The following LUZP1 variants were observed in gnomAD, a reference collection of about 807,000 sequenced individuals.
The protein encoded by LUZP1 is leucine zipper protein 1, also known as filamin mechanobinding actin cross-linking protein.
Under a neutral mutation model 71.3 loss-of-function variants are expected in LUZP1, and 25 were observed. The ratio of observed to expected loss-of-function variants is 0.35; its 90% CI spans 0.26 to 0.49. LUZP1 has a LOEUF of 0.49. LUZP1 is among the 20% of genes least tolerant of loss of function. The pLI is 0.99. For missense variants in LUZP1, 1,142 were observed against 1,300.8 expected (o/e 0.88, Z 1.88); for synonymous variants, 481 against 506.4 (o/e 0.95, Z 0.67).
intron 2 of LUZP1, among the ~76,000 whole-genome samples, chr1:23,149,429 A>C (rs1251097111): frequency 1.3e-5 from 2 of 152,196 alleles, no homozygotes; most frequent in African/African-American, 2.4e-5. Flanking sequence ...TGGCCTTATC[A>C]GGCTAGATGG....
intron 3 of LUZP1, among the ~76,000 whole-genome samples, chr1:23,100,079 A>G (rs753104033): frequency 2.6e-5 from 4 of 152,198 alleles, no homozygotes; most frequent in Non-Finnish European, 4.4e-5. Context: ...AGTCTGCTAC[A>G]TATTTCCCAT....
intron 2 of LUZP1, among the ~76,000 whole-genome samples, chr1:23,147,212 G>A (rs954305712): frequency 1.3e-5 from 2 of 151,370 alleles, no homozygotes; most frequent in Non-Finnish European, 2.9e-5. Context: ...AGGCCGAGAC[G>A]GGTGGATCAC....
chr1:23,092,933 A>G, exon 4 of LUZP1: 1 of 1,613,826 alleles, frequency 6.2e-7, no homozygotes, highest in Non-Finnish European at 8.5e-7. Context: ...CCTGAGTCCC[A>G]CTGTCTGTAC....
chr1:23,172,837 A>AT (rs201521811), intron 1 of LUZP1, among the ~76,000 whole-genome samples: 43 of 149,150 alleles, frequency 2.9e-4, no homozygotes, highest in Non-Finnish European at 4.2e-4. Context: ...ATTTATTTTT[A>AT]TTTTTATTTT....
At chr1:23,171,101 T>A (rs866824818) in intron 1 of LUZP1, among the ~76,000 whole-genome samples, 1,756 of 141,234 alleles carry the variant, frequency 0.012, 13 homozygotes, top group South Asian at 0.024. Context: ...AAAAAAAAAA[T>A]ATATATATAT....
At chr1:23,103,673 C>T (rs1269328283) in intron 3 of LUZP1, among the ~76,000 whole-genome samples, 1 of 151,642 alleles carries the variant, frequency 6.6e-6, no homozygotes, top group African/African-American at 2.4e-5. Context: ...AATTTATTTA[C>T]ATTGATTCTT....
chr1:23,107,126 C>G (rs899015665), intron 3 of LUZP1, among the ~76,000 whole-genome samples: 2 of 152,186 alleles, frequency 1.3e-5, no homozygotes, highest in Non-Finnish European at 2.9e-5. Context: ...GCTTTTCCCC[C>G]AGATATCTCC....
At chr1:23,105,652 T>C (rs915294502) in intron 3 of LUZP1, among the ~76,000 whole-genome samples, 3 of 152,234 alleles carry the variant, frequency 2.0e-5, no homozygotes, top group African/African-American at 7.2e-5. Context: ...CTTCTTAGTT[T>C]CAATCCCTTG....
chr1:23,171,254 A>C (rs1022004338), intron 1 of LUZP1, among the ~76,000 whole-genome samples: 1 of 152,156 alleles, frequency 6.6e-6, no homozygotes, highest in Non-Finnish European at 1.5e-5. Flanking sequence ...GTCTTGAGAA[A>C]GGAAGAGGCT....
intron 2 of LUZP1, among the ~76,000 whole-genome samples, chr1:23,128,048 T>C (rs1460880928): frequency 6.6e-6 from 1 of 151,934 alleles, no homozygotes; most frequent in African/African-American, 2.4e-5. Context: ...GGAGAATCGC[T>C]TGAACCTGGG....
At position 23,147,099 on chromosome 1, in the gene LUZP1, A is replaced by AAATAATAATAATAATAAT. The variant is rs371398665; in HGVS notation, c.-226+21649_-226+21666dup. On this transcript the variant is annotated intron_variant, in intron 2 of 4. Transcript: ENST00000302291. ...GTGACAGAGTGAGACTCCGTCTCAAAAATAATAATAATAATAATAATAATA... is the reference window on the plus strand; with the variant it reads ...GTGACAGAGTGAGACTCCGTCTCAAAAATAATAATAATAATAATAATAATAATAATAATAATAATAATA... 2.3e-3 allele frequency among the ~76,000 whole-genome samples: 327 copies of AAATAATAATAATAATAAT among 144,526 alleles called. 3 individuals are homozygous for AAATAATAATAATAATAAT. Among genetic ancestry groups the AAATAATAATAATAATAAT allele is most frequent in the African/African-American group, 8.1e-3 (315 of 38,978 alleles). 94.8% of individuals were successfully genotyped at this position (144,526 alleles called of 152,430 possible).
rs536340539 is a variant in LUZP1 at position 23,156,693 on chromosome 1, T to C, written c.-226+12073A>G. 2.0e-5 allele frequency among the ~76,000 whole-genome samples: 3 copies of C among 152,314 alleles called. No individual in the cohort carries two copies. The South Asian group carries it at 6.2e-4, about 32-fold the overall frequency. On this transcript the variant is annotated intron_variant, in intron 2 of 4. Coordinates refer to ENST00000302291, the Ensembl canonical transcript of LUZP1. ...AGTGCTGTTATTCAATGGCGCCATC[T>C]TGGGAGGTAAGACCTTCCAAGGATT...
rs868091672 is a variant in LUZP1, at chr1:23,093,392, G to T, written c.870C>A (p.Asp290Glu). ...TAAGTTTCTCAATCTCTTGGTTAAG[G>T]TCTTTGACTTTGTTGTCTTCCTGAT... is the stretch of plus-strand genomic sequence containing the variant. The change falls in exon 4 of 5, where the codon GAC (aspartate) becomes GAA (glutamate). Residue 290 changes from aspartate (D) to glutamate (E), a missense_variant. By Grantham distance (45) the Asp-to-Glu change is conservative. Transcript: ENST00000302291. This position sits in a 1 kb window ranked among gnomAD's most constrained non-coding sequence, Gnocchi z 4.2. 1.2e-6 allele frequency: 2 copies of T among 1,613,862 alleles called. No homozygotes were observed. The highest frequency in any genetic ancestry group is 2.2e-5 in the East Asian group (1 of 44,884).
chr1:23,145,289 C>T (rs1360277586), intron 2 of LUZP1, among the ~76,000 whole-genome samples: 3 of 152,092 alleles, frequency 2.0e-5, no homozygotes, highest in Admixed American at 6.6e-5. Context: ...AGACTCTAGA[C>T]CCTACCTCTC....
At chr1:23,117,524 G>GC (rs60013424) in intron 2 of LUZP1, among the ~76,000 whole-genome samples, 2,365 of 100,062 alleles carry the variant, frequency 0.024, 275 homozygotes, top group African/African-American at 0.093. Context: ...GGGGGCGGGG[G>GC]GGGGGAACAC....
intron 2 of LUZP1, among the ~76,000 whole-genome samples, chr1:23,122,056 C>CT (rs1418170462): frequency 6.6e-6 from 1 of 151,908 alleles, no homozygotes; most frequent in African/African-American, 2.4e-5. Flanking sequence ...TTTAAAAAGA[C>CT]TTTAAGTAAT....
intron 2 of LUZP1, among the ~76,000 whole-genome samples, chr1:23,129,849 G>A (rs1277414848): frequency 6.6e-6 from 1 of 152,036 alleles, no homozygotes; most frequent in East Asian, 1.9e-4. Context: ...AATCACAATG[G>A]CATTGTATAT....
intron 2 of LUZP1, among the ~76,000 whole-genome samples, chr1:23,117,516 G>GCT (rs1557654121): frequency 1.3e-5 from 1 of 77,732 alleles, no homozygotes; most frequent in African/African-American, 6.0e-5. Flanking sequence ...CTGGGGGGGG[G>GCT]GGCGGGGGGG....
intron 2 of LUZP1, among the ~76,000 whole-genome samples, chr1:23,132,718 C>G (rs1644224542): frequency 6.6e-6 from 1 of 152,104 alleles, no homozygotes; most frequent in Non-Finnish European, 1.5e-5. Context: ...GACACAGATA[C>G]TAACAGCAAC....
Sources: allele counts gnomAD v4.1 joint callset (sites outside exome capture counted in the v4.1 genomes callset), GRCh38; gene constraint gnomAD v4.1.1; non-coding constraint Gnocchi (gnomAD v3.1); transcripts MANE v1.5; gene names NCBI Gene and HGNC (gene_info 2026-07-23, HGNC 2026-07-21).